DPY19L2: variants seen among roughly 807,000 people sequenced by gnomAD.
DPY19L2 encodes probable C-mannosyltransferase DPY19L2.
A neutral mutation model predicts 97.9 loss-of-function variants in DPY19L2; 34 were observed. The observed-to-expected ratio is 0.35, with a 90% CI of 0.26 to 0.46. DPY19L2 has a LOEUF of 0.46. Ranked by LOEUF, DPY19L2 falls within the 20% of genes least tolerant of loss-of-function variation. The pLI, the probability that DPY19L2 is intolerant of heterozygous loss-of-function variation, is 1.00. For missense variants in DPY19L2, 623 were observed against 911.4 expected (o/e 0.68, Z 4.07); for synonymous variants, 230 against 307.9 (o/e 0.75, Z 2.65).
In DPY19L2 at chr12:63,668,115, C is replaced by T. The variant is rs1426464487; in HGVS notation, c.279G>A (p.Arg93=). The part of the protein sequence containing the change: ...QFVRNSLAQL[R]EKVQELQARR... ...GCGCCTGCAGTTCCTGCACCTTTTCCCGGAGCTGCGCCAGGGAATTACGGA... is the reference window on the plus strand; with the variant it reads ...GCGCCTGCAGTTCCTGCACCTTTTCTCGGAGCTGCGCCAGGGAATTACGGA... The change falls in exon 1 of 22, where the codon CGG becomes CGA. Residue 93 remains arginine (R), a synonymous_variant. Transcript: ENST00000324472. 6.2e-7 allele frequency: 1 copy of T among 1,614,034 alleles called. No homozygotes were observed. Among genetic ancestry groups the T allele is most frequent in the East Asian group, 2.2e-5 (1 of 44,854 alleles).
intron 11 of DPY19L2, among the ~76,000 whole-genome samples, chr12:63,611,681 T>C (rs1332162130): frequency 1.3e-5 from 2 of 152,120 alleles, no homozygotes; most frequent in Admixed American, 6.5e-5. Context: ...GGTTAGATAC[T>C]GCAGAAAAAC....
chr12:63,587,602 G>A (rs1474633298), intron 16 of DPY19L2, among the ~76,000 whole-genome samples: 2 of 104,530 alleles, frequency 1.9e-5, no homozygotes, highest in Non-Finnish European at 3.9e-5. Context: ...TTGAGACAGA[G>A]CCTCGCACTG....
intron 6 of DPY19L2, among the ~76,000 whole-genome samples, chr12:63,641,425 C>T (rs1045381970): frequency 5.3e-5 from 8 of 151,936 alleles, no homozygotes; most frequent in African/African-American, 1.7e-4. Context: ...ACTGAGTCTC[C>T]ACTTGCCAGC....
intron 6 of DPY19L2, among the ~76,000 whole-genome samples, chr12:63,638,781 A>G (rs1479802847): frequency 6.6e-6 from 1 of 152,188 alleles, no homozygotes; most frequent in Non-Finnish European, 1.5e-5. Context: ...ATACTGCCCA[A>G]GGTAATTTAT....
intron 4 of DPY19L2, among the ~76,000 whole-genome samples, chr12:63,649,049 G>A (rs1893821943): frequency 1.3e-5 from 2 of 151,842 alleles, no homozygotes; most frequent in African/African-American, 2.4e-5. Context: ...ATAATTACAC[G>A]GAATTTAAAC....
At chr12:63,648,822 A>G (rs1469258888) in intron 4 of DPY19L2, among the ~76,000 whole-genome samples, 2 of 152,168 alleles carry the variant, frequency 1.3e-5, no homozygotes, top group Non-Finnish European at 2.9e-5. Context: ...TCACTCATCA[A>G]GATCCAGAAA....
intron 6 of DPY19L2, among the ~76,000 whole-genome samples, chr12:63,640,222 G>GGATA (rs1892478173): frequency 1.3e-5 from 2 of 151,998 alleles, no homozygotes; most frequent in African/African-American, 4.8e-5. Context: ...GAAGAAGGAG[G>GGATA]GATAGCATTA....
chr12:63,565,316 T>C (rs1159575916), intron 21 of DPY19L2, among the ~76,000 whole-genome samples: 1 of 152,130 alleles, frequency 6.6e-6, no homozygotes, highest in Non-Finnish European at 1.5e-5. Flanking sequence ...AATCACAGTA[T>C]TGGCAGGACT....
At chr12:63,562,269 A>T (rs1420128764) in intron 21 of DPY19L2, among the ~76,000 whole-genome samples, 1 of 152,084 alleles carries the variant, frequency 6.6e-6, no homozygotes, top group East Asian at 1.9e-4. Context: ...TGTAATCCTA[A>T]TTATTGCATG....
intron 11 of DPY19L2, among the ~76,000 whole-genome samples, chr12:63,616,247 T>G (rs1409051206): frequency 2.0e-5 from 3 of 152,138 alleles, no homozygotes; most frequent in Non-Finnish European, 4.4e-5. Context: ...TTATGCAGTT[T>G]TATCTGTACT....
chr12:63,605,214 G>A (rs1307942163), intron 12 of DPY19L2, among the ~76,000 whole-genome samples: 4 of 152,114 alleles, frequency 2.6e-5, no homozygotes, highest in Non-Finnish European at 5.9e-5. Flanking sequence ...CACCAGGATT[G>A]TGGGCTAGGA....
chr12:63,657,042 G>A (rs1217611554), intron 4 of DPY19L2, among the ~76,000 whole-genome samples: 3 of 151,886 alleles, frequency 2.0e-5, no homozygotes, highest in South Asian at 2.1e-4. Flanking sequence ...CTGTCTCTTC[G>A]GACTGTGCTT....
At chr12:63,636,456 T>A (rs1194551486) in intron 6 of DPY19L2, among the ~76,000 whole-genome samples, 2 of 152,136 alleles carry the variant, frequency 1.3e-5, no homozygotes, top group Non-Finnish European at 2.9e-5. Flanking sequence ...ATGGGCTAAA[T>A]GCTCCAATTA....
chr12:63,582,436 A>G lies in DPY19L2; in HGVS notation c.1695T>C (p.Cys565=), dbSNP rs1881093785. 5.0e-6 allele frequency: 8 copies of G among 1,613,296 alleles called. 1 individual carries two copies. The highest frequency in any genetic ancestry group is 2.2e-5 in the East Asian group (1 of 44,850). ...RLKMFLTPHM[C]VMASLICSRQ... ...GAGAGCATATCAAGGAAGCCATAACACACATGTGCGGTGTCAAAAACATCT... is the reference window on the plus strand; with the variant it reads ...GAGAGCATATCAAGGAAGCCATAACGCACATGTGCGGTGTCAAAAACATCT... Residue 565 remains cysteine (C), a synonymous_variant, in exon 18 of 22, where the codon TGT becomes TGC. Coordinates refer to ENST00000324472, the MANE Select transcript of DPY19L2 (RefSeq NM_173812.5).
intron 19 of DPY19L2, among the ~76,000 whole-genome samples, chr12:63,580,175 T>TAA (rs34460173): frequency 0.54 from 81,393 of 151,424 alleles, 22,147 homozygotes; most frequent in East Asian, 0.72. Context: ...TCCAAGATTT[T>TAA]CTCTTCTGCC....
chr12:63,623,347 C>G (rs1446200794), intron 8 of DPY19L2, among the ~76,000 whole-genome samples: 1 of 152,100 alleles, frequency 6.6e-6, no homozygotes, highest in Admixed American at 6.5e-5. Context: ...CCTTATCCAT[C>G]TAACTCCGCA....
chr12:63,636,320 A>G (rs1318824096), intron 6 of DPY19L2, among the ~76,000 whole-genome samples: 2 of 152,202 alleles, frequency 1.3e-5, no homozygotes, highest in Non-Finnish European at 2.9e-5. Flanking sequence ...CCACTGCAAA[A>G]ACATGCTAAA....
At chr12:63,650,556 T>C (rs1894062632) in intron 4 of DPY19L2, among the ~76,000 whole-genome samples, 1 of 152,030 alleles carries the variant, frequency 6.6e-6, no homozygotes, top group Non-Finnish European at 1.5e-5. Flanking sequence ...AAATCAAGAA[T>C]GCAATCTCAT....
Position 63,560,424 on chromosome 12 carries a change from C to T in DPY19L2, c.*88G>A, listed in dbSNP as rs1876243340. 1.4e-6 allele frequency: 2 copies of T among 1,399,532 alleles called. No individual in the cohort carries two copies. Among genetic ancestry groups the T allele is most frequent in the East Asian group, 2.5e-5 (1 of 40,728 alleles). The allele number at this position is 1,399,532 out of a possible 1,614,324, so 86.7% of individuals were successfully genotyped here. A position where few individuals can be genotyped will look rare whatever the true frequency, so the allele number is the denominator to read the frequency against. On this transcript the variant is annotated 3_prime_UTR_variant, in exon 22 of 22. Transcript: ENST00000324472. ...TATTTTTAAGTGTCTGTTATTAAAGCTTGTGATTTTTATTAATGTGAATAA... is the reference window on the plus strand; with the variant it reads ...TATTTTTAAGTGTCTGTTATTAAAGTTTGTGATTTTTATTAATGTGAATAA...
Sources: gnomAD v4.1 joint callset for allele counts (sites outside exome capture counted in the v4.1 genomes callset) on GRCh38, gnomAD v4.1.1 for gene constraint, MANE v1.5 for transcripts, NCBI Gene and HGNC (gene_info 2026-07-23, HGNC 2026-07-21) for gene names.